MARCHF1: variants seen among roughly 807,000 people sequenced by gnomAD.
The protein encoded by MARCHF1 is membrane associated ring-CH-type finger 1, also known as E3 ubiquitin-protein ligase MARCHF1.
In MARCHF1, 40 loss-of-function variants were observed where a neutral mutation model predicts 54.2. The observed-to-expected ratio is 0.74, with a 90% CI of 0.57 to 0.96. MARCHF1 has a LOEUF of 0.96. Ranked by LOEUF, MARCHF1 falls within the 40% of genes least tolerant of loss-of-function variation. MARCHF1 has a pLI of 0.00. For missense variants in MARCHF1, 586 were observed against 656.5 expected, an observed-to-expected ratio of 0.89 and a Z score of 1.17; for synonymous variants, 236 against 236.3, an observed-to-expected ratio of 1.00 and a Z score of 0.01.
At chr4:163,810,453 T>C (rs1050128553) in intron 4 of MARCHF1, among the ~76,000 whole-genome samples, 2 of 152,188 alleles carry the variant, frequency 1.3e-5, no homozygotes, top group Admixed American at 6.5e-5. Context: ...GTTCTACTGC[T>C]TCACTGGGAC....
chr4:164,237,289 C>G (rs1017035861), intron 1 of MARCHF1, among the ~76,000 whole-genome samples: 1 of 152,106 alleles, frequency 6.6e-6, no homozygotes, highest in African/African-American at 2.4e-5. Flanking sequence ...TTCTGTCAAG[C>G]CTGATGGCTT....
intron 3 of MARCHF1, among the ~76,000 whole-genome samples, chr4:163,928,222 T>A (rs1360560572): frequency 6.6e-6 from 1 of 151,912 alleles, no homozygotes; most frequent in Non-Finnish European, 1.5e-5. Flanking sequence ...TCATAAATAT[T>A]TACTTAGTAT....
rs559339559 is a variant in MARCHF1, at chr4:163,822,635, T to A, written c.111+31386A>T. Among the ~76,000 whole-genome samples the A allele has an allele frequency of 4.6e-5, 7 of 152,024 alleles. No homozygotes were observed. In the East Asian group the frequency reaches 1.3e-3, roughly 29 times the overall value. ...TTTTATTGGTGATATTAGATGTGCA[T>A]ATTTTAGGGTAATGTAATAATTTGA... is the stretch of plus-strand genomic sequence containing the variant. On this transcript the variant is annotated intron_variant, in intron 4 of 9. Transcript: ENST00000514618.
intron 3 of MARCHF1, among the ~76,000 whole-genome samples, chr4:163,926,902 AC>A (rs1560822376): frequency 6.6e-6 from 1 of 151,664 alleles, no homozygotes; most frequent in African/African-American, 2.4e-5. Context: ...ATTAAAAAAA[AC>A]AAAATTCTAG....
intron 5 of MARCHF1, among the ~76,000 whole-genome samples, chr4:163,647,096 G>A (rs1404235235): frequency 3.3e-5 from 5 of 152,024 alleles, no homozygotes; most frequent in South Asian, 2.1e-4. Flanking sequence ...AAATGAAGAC[G>A]TCAGGGGTAG....
intron 2 of MARCHF1, among the ~76,000 whole-genome samples, chr4:164,106,546 C>T (rs982174448): frequency 7.2e-6 from 1 of 139,556 alleles, no homozygotes; most frequent in African/African-American, 2.8e-5. Context: ...TATTCTCACT[C>T]ATAGGTGGGA....
At chr4:163,905,026 A>G (rs990210556) in intron 3 of MARCHF1, among the ~76,000 whole-genome samples, 1 of 152,054 alleles carries the variant, frequency 6.6e-6, no homozygotes, top group African/African-American at 2.4e-5. Flanking sequence ...TTTAAGATAT[A>G]TCATTAATAA....
At chr4:163,706,239 A>G (rs1478299828) in intron 4 of MARCHF1, among the ~76,000 whole-genome samples, 2 of 151,960 alleles carry the variant, frequency 1.3e-5, no homozygotes, top group Admixed American at 6.6e-5. Context: ...CTATGCTGGG[A>G]TGGAAACTAT....
chr4:163,865,924 C>T lies in MARCHF1; in HGVS notation c.-38-11755G>A, dbSNP rs1316076638. ...CTACAATTTTTCCTTCTGTCTCTGC[C>T]CTTATTAAGGTAATATGGATCTCCA... On this transcript the variant is annotated intron_variant, in intron 3 of 9. Transcript: ENST00000514618. Among the ~76,000 whole-genome samples, 22 of 151,462 alleles carry T rather than the reference C, an allele frequency of 1.5e-4. No homozygotes were observed. The Middle Eastern group carries it at 0.01, about 70-fold the overall frequency.
At chr4:164,171,853 G>A (rs1440579852) in intron 1 of MARCHF1, among the ~76,000 whole-genome samples, 1 of 152,142 alleles carries the variant, frequency 6.6e-6, no homozygotes, top group South Asian at 2.1e-4. Context: ...GGAAACAATA[G>A]TAATACAGGA....
intron 1 of MARCHF1, among the ~76,000 whole-genome samples, chr4:164,248,038 TCA>T (rs1733008746): frequency 6.6e-6 from 1 of 151,726 alleles, no homozygotes; most frequent in African/African-American, 2.4e-5. Flanking sequence ...GGGAATAATA[TCA>T]CATTCTTAAA....
chr4:164,294,252 A>T (rs941040195), intron 1 of MARCHF1, among the ~76,000 whole-genome samples: 14 of 152,204 alleles, frequency 9.2e-5, no homozygotes, highest in African/African-American at 2.9e-4. Context: ...CTCAGCTTGC[A>T]GACAGCCCAC....
Position 163,595,952 on chromosome 4 carries a change from TA to T in MARCHF1, c.1011-10024del, listed in dbSNP as rs565215087. ...TAAAGATAAATAAACTATTTGCCCA[TA>T]AAAAAAGTAAGATTATTAGAAGGAT... On this transcript the variant is annotated intron_variant, in intron 7 of 9. Coordinates refer to ENST00000514618, the MANE Select transcript of MARCHF1 (RefSeq NM_001394959.1). 6.6e-5 allele frequency among the ~76,000 whole-genome samples: 10 copies of T among 151,282 alleles called. No homozygotes were observed. In the South Asian group the frequency reaches 1.7e-3, roughly 25 times the overall value.
intron 1 of MARCHF1, among the ~76,000 whole-genome samples, chr4:164,238,475 T>C (rs900174148): frequency 2.6e-5 from 4 of 152,114 alleles, no homozygotes; most frequent in Non-Finnish European, 5.9e-5. Flanking sequence ...CTACATCCCT[T>C]GATAGCCTTA....
At chr4:163,689,162 T>G (rs1353606414) in intron 5 of MARCHF1, among the ~76,000 whole-genome samples, 1 of 152,206 alleles carries the variant, frequency 6.6e-6, no homozygotes, top group Non-Finnish European at 1.5e-5. Context: ...AGATGTTTCT[T>G]TAATTCTCTG....
intron 5 of MARCHF1, among the ~76,000 whole-genome samples, chr4:163,633,203 C>A (rs945413225): frequency 2.0e-5 from 3 of 152,312 alleles, no homozygotes; most frequent in South Asian, 4.1e-4. Flanking sequence ...CCTCCTCCAA[C>A]GGAACTCAGC....
At chr4:164,238,870 T>C (rs1732644387) in intron 1 of MARCHF1, among the ~76,000 whole-genome samples, 3 of 152,068 alleles carry the variant, frequency 2.0e-5, no homozygotes, top group African/African-American at 7.2e-5. Context: ...ATGTCTTATG[T>C]ATTTCTATAA....
chr4:164,077,420 A>C (rs982656528), intron 2 of MARCHF1, among the ~76,000 whole-genome samples: 8 of 152,334 alleles, frequency 5.3e-5, no homozygotes, highest in Non-Finnish European at 1.2e-4. Context: ...CTAAAACCAT[A>C]AAAACCCTAG....
intron 4 of MARCHF1, among the ~76,000 whole-genome samples, chr4:163,830,674 G>A (rs1485362398): frequency 2.6e-5 from 4 of 152,162 alleles, no homozygotes; most frequent in Admixed American, 2.0e-4. Flanking sequence ...AGCACTTTGA[G>A]AGGCCGAGGC....
Sources: allele counts gnomAD v4.1 joint callset (sites outside exome capture counted in the v4.1 genomes callset), GRCh38; gene constraint gnomAD v4.1.1; transcripts MANE v1.5; gene names NCBI Gene and HGNC (gene_info 2026-07-23, HGNC 2026-07-21).